ZNF726: variants seen among roughly 807,000 people sequenced by gnomAD.
ZNF726 encodes the protein zinc finger protein 726.
A neutral mutation model predicts 11.6 loss-of-function variants in ZNF726; 15 were observed. The ratio of observed to expected loss-of-function variants is 1.29; its 90% CI spans 0.86 to 1.99. The LOEUF (loss-of-function observed/expected upper bound fraction) is 1.99, where lower values mean the gene tolerates loss of function less well. Among genes scored for constraint, ZNF726 ranks in the 30% most tolerant of loss-of-function variants. ZNF726 has a pLI of 0.00. For synonymous variants in ZNF726, 295 were observed against 243.6 expected (o/e 1.21, Z -1.96); for missense variants, 890 against 725.6 (o/e 1.23, Z -2.60).
intron 1 of ZNF726, among the ~76,000 whole-genome samples, chr19:23,916,177 C>G (rs1967693597): frequency 6.6e-6 from 1 of 152,142 alleles, no homozygotes; most frequent in Non-Finnish European, 1.5e-5. Flanking sequence ...CCCCTCATCC[C>G]TTATTCCTCC....
At chr19:23,936,142 G>T (rs548736822), downstream of ZNF726, 2 of 152,090 alleles carry the variant, frequency 1.3e-5, no homozygotes, top group African/African-American at 4.8e-5. Flanking sequence ...ACACCAAAGC[G>T]TTCATACTAA....
chr19:23,922,629 C>T (rs62114220), intron 3 of ZNF726, among the ~76,000 whole-genome samples: 17,527 of 152,190 alleles, frequency 0.12, 1,109 homozygotes, highest in Middle Eastern at 0.2. Context: ...GCAACCTGAA[C>T]GGAGGCCTGC....
chr19:23,928,068 C>T (rs1968026483), intron 3 of ZNF726: 2 of 152,098 alleles, frequency 1.3e-5, no homozygotes. Context: ...GTTTATACTC[C>T]ATTAATTCAA....
Position 23,933,763 on chromosome 19 carries a change from C to A in ZNF726, c.1647C>A (p.Ser549=). 1 of 1,608,044 alleles carries A rather than the reference C, an allele frequency of 6.2e-7. No homozygotes were observed. The change falls in exon 4 of 4, where the codon TCC becomes TCA. Residue 549 remains serine, a synonymous_variant. Transcript: ENST00000594466. ...AATGTGGCAAAACTTTTAATCAATC[C>A]TCAAATCTTAGTACACATAAGATAA... is the stretch of plus-strand genomic sequence containing the variant. ...CEECGKTFNQ[S]SNLSTHKIIH...
At chr19:23,919,870 A>G (rs1254189536) in intron 2 of ZNF726, 117 bp from the exon 3 acceptor site, 1 of 557,488 alleles carries the variant, frequency 1.8e-6, no homozygotes, top group Non-Finnish European at 2.7e-6. Flanking sequence ...GTTATAAATT[A>G]GTATATGGGA....
chr19:23,915,809 TG>T (rs775120785), intron 1 of ZNF726, among the ~76,000 whole-genome samples: 3 of 152,150 alleles, frequency 2.0e-5, no homozygotes, highest in Non-Finnish European at 2.9e-5. Flanking sequence ...CTCGATCTCC[TG>T]ACCTCAGGTG....
At chr19:23,936,233 CAGT>C (rs1968228874), downstream of ZNF726, 1 of 152,114 alleles carries the variant, frequency 6.6e-6, no homozygotes, top group Non-Finnish European at 1.5e-5. Context: ...GAATAATTCA[CAGT>C]AGAAATATTT....
At position 23,919,510 on chromosome 19, in the gene ZNF726, CTT is replaced by C; in HGVS notation, c.130+13_130+14del. ...ACCTGGCCTTCCTGGGTGAGGATAACTTTAATACAAAATTTTTAATATAAACT... is the reference window on the plus strand; with the variant it reads ...ACCTGGCCTTCCTGGGTGAGGATAACTAATACAAAATTTTTAATATAAACT... On this transcript the variant is annotated intron_variant, in intron 2 of 3. Transcript: ENST00000594466. The C allele has an allele frequency of 6.4e-7, 1 of 1,569,882 alleles. No individual in the cohort carries two copies. Among genetic ancestry groups the C allele is most frequent in the Non-Finnish European group, 8.6e-7 (1 of 1,163,978 alleles).
rs1249278601 is a variant in ZNF726, at chr19:23,933,135, C to G, written c.1019C>G (p.Pro340Arg). 1.2e-6 allele frequency: 2 copies of G among 1,611,678 alleles called. No individual in the cohort carries two copies. Among genetic ancestry groups the G allele is most frequent in the Non-Finnish European group, 1.7e-6 (2 of 1,179,874 alleles). The change falls in exon 4 of 4, where the codon CCC (proline) becomes CGC (arginine). Residue 340 changes from proline (P) to arginine (R), a missense_variant. By Grantham distance (103) the Pro-to-Arg change is moderately radical. Transcript: ENST00000594466. ...AAGAGGCTGCACAGTGGAGAGAAAC[C>G]CTACAAATGTGAAGAATGTGCCAAA... ...RHKRLHSGEK[P>R]YKCEECAKAF...
At chr19:23,928,507 GAGATAGAT>G (rs941318936) in intron 3 of ZNF726, 1 of 151,772 alleles carries the variant, frequency 6.6e-6, no homozygotes, top group Non-Finnish European at 1.5e-5. Flanking sequence ...GATAGATAGA[GAGATAGAT>G]AGATAGATAG....
chr19:23,919,221 G>A (rs1192841004), intron 1 of ZNF726, 152 bp from the exon 2 acceptor site: 2 of 1,223,744 alleles, frequency 1.6e-6, no homozygotes, highest in Non-Finnish European at 2.2e-6. Flanking sequence ...ATTAGAAAAT[G>A]TTTGTGTTTT....
intron 3 of ZNF726, among the ~76,000 whole-genome samples, chr19:23,942,061 TTGTC>T (rs1446242151): frequency 3.3e-5 from 5 of 152,124 alleles, no homozygotes; most frequent in Admixed American, 6.6e-5. Flanking sequence ...GGACCTTAGA[TTGTC>T]TGTGCTCTTT....
chr19:23,937,119 G>A (rs1194380624), downstream of ZNF726, among the ~76,000 whole-genome samples: 43 of 150,578 alleles, frequency 2.9e-4, no homozygotes, highest in South Asian at 8.4e-4. Flanking sequence ...CGGCCGGGGC[G>A]GCTGGCCGGG....
intron 3 of ZNF726, among the ~76,000 whole-genome samples, chr19:23,924,548 A>T (rs1008371932): frequency 3.3e-5 from 5 of 152,152 alleles, no homozygotes; most frequent in African/African-American, 4.8e-5. Context: ...TAATTGTTTT[A>T]AAAAAACATA....
downstream of ZNF726, chr19:23,936,227 A>G (rs1968228754): frequency 6.6e-6 from 1 of 152,236 alleles, no homozygotes; most frequent in African/African-American, 2.4e-5. Context: ...ATCAGGGAAT[A>G]ATTCACAGTA....
chr19:23,942,782 C>T (rs1383249130), intron 3 of ZNF726, among the ~76,000 whole-genome samples: 1 of 152,166 alleles, frequency 6.6e-6, no homozygotes, highest in Non-Finnish European at 1.5e-5. Flanking sequence ...ATAGCTACCC[C>T]TGTTTTCTTT....
chr19:23,922,951 C>T (rs1200662654), intron 3 of ZNF726, among the ~76,000 whole-genome samples: 2 of 151,202 alleles, frequency 1.3e-5, no homozygotes, highest in African/African-American at 2.4e-5. Flanking sequence ...ATTAATGCCA[C>T]TCTCCATATA....
chr19:23,937,525 G>A (rs934117665), downstream of ZNF726, among the ~76,000 whole-genome samples: 10 of 151,146 alleles, frequency 6.6e-5, no homozygotes, highest in Non-Finnish European at 1.0e-4. Flanking sequence ...GGGCAGAGGT[G>A]CTCCCCACAT....
chr19:23,933,529 T>G lies in ZNF726; in HGVS notation c.1413T>G (p.His471Gln), dbSNP rs533828505. The change falls in exon 4 of 4, where the codon CAT becomes CAG. Residue 471 changes from histidine (H) to glutamine (Q), a missense_variant. His to Gln is a conservative substitution (Grantham distance 24). Coordinates refer to ENST00000594466, the MANE Select transcript of ZNF726 (RefSeq NM_001244038.2). ...AFSRSSALTT[H>Q]KRMHTGEKPY... ...GCCGATCCTCAGCCCTAACTACACATAAGAGGATGCACACTGGAGAGAAAC... is the reference window on the plus strand; with the variant it reads ...GCCGATCCTCAGCCCTAACTACACAGAAGAGGATGCACACTGGAGAGAAAC... The G allele has an allele frequency of 3.1e-6, 5 of 1,612,804 alleles. No homozygotes were observed. The highest frequency in any genetic ancestry group is 1.1e-5 in the South Asian group (1 of 91,068).
Sources: allele counts gnomAD v4.1 joint callset (sites outside exome capture counted in the v4.1 genomes callset), GRCh38; gene constraint gnomAD v4.1.1; transcripts MANE v1.5; gene names NCBI Gene and HGNC (gene_info 2026-07-23, HGNC 2026-07-21).